The following DIPK1A variants were observed in gnomAD, a reference collection of about 807,000 sequenced individuals.
DIPK1A encodes the protein divergent protein kinase domain 1A.
DIPK1A carries 27 observed loss-of-function variants against 40.8 expected under a neutral mutation model. The observed-to-expected ratio is 0.66, with a 90% CI of 0.49 to 0.91. DIPK1A has a LOEUF of 0.91. DIPK1A is among the 40% of genes least tolerant of loss of function. DIPK1A has a pLI of 0.00. For synonymous variants in DIPK1A, 166 were observed against 171.3 expected (o/e 0.97, Z 0.24); for missense variants, 412 against 505.7 (o/e 0.81, Z 1.78).
intron 4 of DIPK1A, chr1:92,836,430 G>C: frequency 6.3e-7 from 1 of 1,576,294 alleles, no homozygotes; most frequent in Non-Finnish European, 8.7e-7. Context: ...CCTGGACCGT[G>C]GTACTTCCCT....
At chr1:92,868,791 C>T (rs1029200601) in intron 2 of DIPK1A, among the ~76,000 whole-genome samples, 5 of 151,900 alleles carry the variant, frequency 3.3e-5, no homozygotes, top group African/African-American at 1.2e-4. Flanking sequence ...CGTGGTGAAA[C>T]CTTGTCTCTA....
chr1:92,895,496 G>A (rs937838253), intron 1 of DIPK1A, among the ~76,000 whole-genome samples: 3 of 151,948 alleles, frequency 2.0e-5, no homozygotes, highest in African/African-American at 7.3e-5. Context: ...GTATTGATGG[G>A]ACATATCTCA....
intron 2 of DIPK1A, among the ~76,000 whole-genome samples, chr1:92,870,198 A>G (rs761654694): frequency 5.9e-5 from 9 of 152,140 alleles, no homozygotes; most frequent in Non-Finnish European, 1.0e-4. Context: ...ACATCTTCAT[A>G]TATTTCAGAT....
intron 1 of DIPK1A, among the ~76,000 whole-genome samples, chr1:92,892,673 G>C (rs184330230): frequency 6.6e-6 from 1 of 152,088 alleles, no homozygotes; most frequent in African/African-American, 2.4e-5. Context: ...CGAGTTGAGA[G>C]AAGAAGGCTT....
downstream of DIPK1A, chr1:92,837,402 C>A: frequency 6.8e-7 from 1 of 1,469,838 alleles, no homozygotes. Flanking sequence ...TAAATTCTTA[C>A]TAGTAAACTA....
exon 5 of DIPK1A, chr1:92,832,947 GTGTTCCGAACAAACC>G: frequency 1.4e-6 from 1 of 710,198 alleles, no homozygotes; most frequent in East Asian, 2.6e-5. Flanking sequence ...GGGACATAGC[GTGTTCCGAACAAACC>G]GACGTTTGGC....
At chr1:92,944,665 C>G (rs1386200137) in intron 1 of DIPK1A, among the ~76,000 whole-genome samples, 1 of 152,190 alleles carries the variant, frequency 6.6e-6, no homozygotes, top group Admixed American at 6.5e-5. Flanking sequence ...CAAGGTCTCA[C>G]TCTGTCACCC....
intron 1 of DIPK1A, among the ~76,000 whole-genome samples, chr1:92,914,583 A>G (rs925251238): frequency 6.6e-6 from 1 of 151,886 alleles, no homozygotes. Context: ...AGCCTGGCCA[A>G]CATGGTGAAA....
intron 2 of DIPK1A, among the ~76,000 whole-genome samples, chr1:92,862,220 T>A (rs1358596788): frequency 6.6e-6 from 1 of 152,128 alleles, no homozygotes; most frequent in Non-Finnish European, 1.5e-5. Flanking sequence ...AATATCCAAG[T>A]GCTCCCTGAA....
intron 2 of DIPK1A, among the ~76,000 whole-genome samples, chr1:92,872,050 T>C (rs1245884202): frequency 6.7e-6 from 1 of 149,194 alleles, no homozygotes. Context: ...ACTATTTTCC[T>C]GATTCTTTTT....
At chr1:92,911,333 G>A (rs990269921) in intron 1 of DIPK1A, among the ~76,000 whole-genome samples, 1 of 152,168 alleles carries the variant, frequency 6.6e-6, no homozygotes, top group Non-Finnish European at 1.5e-5. Context: ...ACCATTTTAT[G>A]AGCCAGGAAA....
chr1:92,847,129 A>G (rs1687666468), intron 4 of DIPK1A, 54 bp downstream of exon 4: 3 of 1,183,300 alleles, frequency 2.5e-6, no homozygotes, highest in Non-Finnish European at 3.4e-6. Flanking sequence ...GGTCCTGCCA[A>G]TTCCTCTAAA....
intron 1 of DIPK1A, among the ~76,000 whole-genome samples, chr1:92,878,743 C>A (rs912589807): frequency 1.7e-4 from 26 of 152,186 alleles, no homozygotes; most frequent in African/African-American, 6.3e-4. Flanking sequence ...TAGCGTGAAC[C>A]CCGGGGGGCG....
intron 2 of DIPK1A, among the ~76,000 whole-genome samples, chr1:92,854,059 T>A (rs57115390): frequency 0.029 from 4,380 of 152,220 alleles, 221 homozygotes; most frequent in African/African-American, 0.099. Context: ...GTTAATTTTT[T>A]AATTTTTTGT....
Position 92,954,576 on chromosome 1 carries a change from C to A in DIPK1A, c.54+6800G>T, listed in dbSNP as rs374099626. The stretch of plus-strand genomic sequence containing the variant: ...TTTTAGTAGAGACAGGGTTTCGCCA[C>A]ATTGGCCAGACTGGTCTCAAACTCC... On this transcript the variant is annotated intron_variant, in intron 1 of 4. Transcript: ENST00000370310. Among the ~76,000 whole-genome samples, 102 of 151,760 alleles carry A rather than the reference C, an allele frequency of 6.7e-4. 1 individual carries two copies. The South Asian group carries it at 0.01, about 15-fold the overall frequency.
intron 3 of DIPK1A, among the ~76,000 whole-genome samples, chr1:92,848,049 T>C (rs533979779): frequency 1.3e-5 from 2 of 152,336 alleles, no homozygotes; most frequent in Non-Finnish European, 2.9e-5. Flanking sequence ...TACTGATTTA[T>C]GTTATTATTT....
intron 1 of DIPK1A, among the ~76,000 whole-genome samples, chr1:92,893,840 A>T (rs1459098568): frequency 6.6e-6 from 1 of 151,982 alleles, no homozygotes; most frequent in Admixed American, 6.6e-5. Flanking sequence ...AAAAAAAGGC[A>T]GGGGTTGCAA....
intron 1 of DIPK1A, among the ~76,000 whole-genome samples, chr1:92,937,032 G>A (rs944776903): frequency 1.5e-4 from 23 of 152,194 alleles, no homozygotes; most frequent in Middle Eastern, 3.2e-3. Context: ...ATAGGATCAT[G>A]AGTTTTACTA....
chr1:92,857,523 T>C (rs1372379922), intron 2 of DIPK1A, among the ~76,000 whole-genome samples: 1 of 152,096 alleles, frequency 6.6e-6, no homozygotes, highest in Non-Finnish European at 1.5e-5. Flanking sequence ...GGTTTCACCA[T>C]GTTAGCTAGG....
Sources: gnomAD v4.1 joint callset for allele counts (sites outside exome capture counted in the v4.1 genomes callset) on GRCh38, gnomAD v4.1.1 for gene constraint, MANE v1.5 for transcripts, NCBI Gene and HGNC (gene_info 2026-07-23, HGNC 2026-07-21) for gene names.